Variants in SGTB observed in about 807,000 individuals in gnomAD.
The protein encoded by SGTB is small glutamine rich tetratricopeptide repeat co-chaperone beta.
A neutral mutation model predicts 43.9 loss-of-function variants in SGTB; 19 were observed. The ratio of observed to expected loss-of-function variants is 0.43; its 90% CI spans 0.30 to 0.63. The LOEUF is 0.63. Among genes scored for constraint, SGTB ranks in the 30% least tolerant of loss-of-function variants. The pLI is 0.12. For synonymous variants in SGTB, 116 were observed against 117.3 expected, an observed-to-expected ratio of 0.99 and a Z score of 0.07; for missense variants, 304 against 358.9, an observed-to-expected ratio of 0.85 and a Z score of 1.24.
intron 2 of SGTB, among the ~76,000 whole-genome samples, chr5:65,719,334 A>T (rs902896635): frequency 6.6e-5 from 10 of 152,194 alleles, no homozygotes; most frequent in African/African-American, 2.4e-4. Flanking sequence ...TCATGCCTGT[A>T]ATCTCAGTAC....
chr5:65,705,384 T>C (rs1307127987), intron 4 of SGTB, among the ~76,000 whole-genome samples: 2 of 151,956 alleles, frequency 1.3e-5, no homozygotes, highest in East Asian at 1.9e-4. Flanking sequence ...ACTCAGGAGG[T>C]TGAAGCTGCA....
chr5:65,688,893 T>A (rs543682891), intron 5 of SGTB, among the ~76,000 whole-genome samples: 12 of 152,358 alleles, frequency 7.9e-5, no homozygotes, highest in Admixed American at 3.3e-4. Context: ...CACTGCAAGC[T>A]CCGCCTCCTG....
At chr5:65,681,837 T>C (rs1312058650) in intron 6 of SGTB, among the ~76,000 whole-genome samples, 1 of 152,078 alleles carries the variant, frequency 6.6e-6, no homozygotes, top group East Asian at 1.9e-4. Context: ...TAGCCAAGCA[T>C]GGTGGCAGAC....
intron 3 of SGTB, among the ~76,000 whole-genome samples, chr5:65,711,702 C>T (rs995650380): frequency 6.6e-6 from 1 of 152,166 alleles, no homozygotes; most frequent in Non-Finnish European, 1.5e-5. Flanking sequence ...ATTTTTCTCC[C>T]AAGTGTAATA....
chr5:65,678,673 G>T (rs936891276), intron 8 of SGTB, among the ~76,000 whole-genome samples: 8 of 152,132 alleles, frequency 5.3e-5, no homozygotes, highest in Non-Finnish European at 1.0e-4. Context: ...ACAGAACAGA[G>T]AACCCAGAAA....
intron 5 of SGTB, among the ~76,000 whole-genome samples, 155 bp downstream of exon 5, chr5:65,704,124 C>T (rs1757883640): frequency 6.6e-6 from 1 of 151,806 alleles, no homozygotes; most frequent in South Asian, 2.1e-4. Flanking sequence ...GTGGTTGCCT[C>T]TGAGTGGTAA....
At chr5:65,719,225 A>T (rs570137823) in intron 2 of SGTB, among the ~76,000 whole-genome samples, 1 of 152,340 alleles carries the variant, frequency 6.6e-6, no homozygotes, top group South Asian at 2.1e-4. Context: ...TTATAGAAGC[A>T]GTTTCAAGAT....
At chr5:65,675,059 G>GT (rs145810141) in intron 8 of SGTB, among the ~76,000 whole-genome samples, 5,313 of 152,282 alleles carry the variant, frequency 0.035, 314 homozygotes, top group African/African-American at 0.12. Flanking sequence ...GGCATATCAT[G>GT]GATAGAATAA....
At chr5:65,721,264 A>G (rs981465437) in intron 1 of SGTB, among the ~76,000 whole-genome samples, 3 of 152,294 alleles carry the variant, frequency 2.0e-5, no homozygotes, top group South Asian at 2.1e-4. Flanking sequence ...TGTACACTCT[A>G]CCCACTTTTG....
intron 3 of SGTB, 88 bp downstream of exon 3, chr5:65,712,873 C>T: frequency 1.1e-6 from 1 of 928,992 alleles, no homozygotes; most frequent in South Asian, 1.5e-5. Context: ...GTTAATTACT[C>T]ATATACCTGG....
At chr5:65,711,968 CCAGG>C (rs989906257) in intron 3 of SGTB, among the ~76,000 whole-genome samples, 1 of 152,056 alleles carries the variant, frequency 6.6e-6, no homozygotes, top group Non-Finnish European at 1.5e-5. Context: ...AACATGTGGG[CCAGG>C]TGTGGTGGTT....
intron 5 of SGTB, among the ~76,000 whole-genome samples, chr5:65,687,896 G>A (rs1361435329): frequency 1.3e-5 from 2 of 152,162 alleles, no homozygotes; most frequent in Admixed American, 6.5e-5. Context: ...AACCCCCCAA[G>A]TAGCTGGGAT....
intron 8 of SGTB, 100 bp from the exon 9 acceptor site, chr5:65,672,381 C>G (rs1029857938): frequency 2.1e-6 from 3 of 1,398,588 alleles, no homozygotes; most frequent in Non-Finnish European, 3.0e-6. Context: ...ATCATGTATG[C>G]ACTAACATTT....
intron 2 of SGTB, among the ~76,000 whole-genome samples, chr5:65,718,054 G>C (rs1040040279): frequency 1.3e-5 from 2 of 152,178 alleles, no homozygotes; most frequent in African/African-American, 4.8e-5. Context: ...CTGGAGTAGG[G>C]ATTCTAGAGG....
intron 5 of SGTB, among the ~76,000 whole-genome samples, chr5:65,698,561 T>C (rs1285032471): frequency 6.6e-6 from 1 of 152,144 alleles, no homozygotes; most frequent in East Asian, 1.9e-4. Context: ...AAAAGCCTTC[T>C]GTACAGCAAA....
Position 65,667,736 on chromosome 5 carries a change from TA to T in SGTB, c.*2509del, listed in dbSNP as rs1757068385. ...TCCTTGGATCTGTATCAAAACCACC[TA>T]GTGTACTGTTTAAAAATGGCCATTC... is the stretch of plus-strand genomic sequence containing the variant. On this transcript the variant is annotated 3_prime_UTR_variant, in exon 11 of 11. Transcript: ENST00000381007. 6.6e-6 allele frequency: 1 copy of T among 152,174 alleles called. No individual in the cohort carries two copies. The allele number at this position is 152,174 out of a possible 1,614,324, so 9.4% of individuals were successfully genotyped here. A position where few individuals can be genotyped will look rare whatever the true frequency, so the allele number is the denominator to read the frequency against.
At chr5:65,703,536 C>T (rs1757863380) in intron 5 of SGTB, among the ~76,000 whole-genome samples, 1 of 151,596 alleles carries the variant, frequency 6.6e-6, no homozygotes, top group Non-Finnish European at 1.5e-5. Context: ...ACAGTGAAAC[C>T]CCATCTCCAC....
intron 4 of SGTB, 40 bp from the exon 5 acceptor site, chr5:65,704,418 A>T (rs1757891019): frequency 7.3e-7 from 1 of 1,376,872 alleles, no homozygotes; most frequent in Admixed American, 1.9e-5. Flanking sequence ...AGTATAATAT[A>T]CATTAAAAAC....
chr5:65,709,207 C>A (rs1757996918), intron 3 of SGTB, among the ~76,000 whole-genome samples: 1 of 151,818 alleles, frequency 6.6e-6, no homozygotes, highest in Non-Finnish European at 1.5e-5. Context: ...AATTTTGGAA[C>A]AAAATGTCTA....
Sources: gnomAD v4.1 joint callset for allele counts (sites outside exome capture counted in the v4.1 genomes callset) on GRCh38, gnomAD v4.1.1 for gene constraint, MANE v1.5 for transcripts, NCBI Gene and HGNC (gene_info 2026-07-23, HGNC 2026-07-21) for gene names.